The following SYTL5 variants were observed in gnomAD, a reference collection of about 807,000 sequenced individuals.
SYTL5 encodes the protein synaptotagmin-like protein 5.
A neutral mutation model predicts 55.9 loss-of-function variants in SYTL5; 34 were observed. The observed-to-expected ratio is 0.61, with a 90% confidence interval of 0.46 to 0.81. The LOEUF is 0.81. Ranked by LOEUF, SYTL5 falls within the 30% of genes least tolerant of loss-of-function variation. The pLI, the probability that SYTL5 is intolerant of heterozygous loss-of-function variation, is 0.00. For missense variants in SYTL5, 637 were observed against 546.7 expected, an observed-to-expected ratio of 1.17 and a Z score of -1.65; for synonymous variants, 221 against 188.7, an observed-to-expected ratio of 1.17 and a Z score of -1.40.
At chrX:37,983,607 A>G in the SYTL5 span, among the ~76,000 whole-genome samples, 3 of 112,139 alleles carry the variant, frequency 2.7e-5, no homozygotes, top group Non-Finnish European at 5.7e-5. Context: ...AACATAAACA[A>G]TAAAGAGGAT....
chrX:38,071,497 T>C (rs772662869), intron 3 of SYTL5, among the ~76,000 whole-genome samples: 14 of 112,274 alleles, frequency 1.2e-4, no homozygotes, highest in African/African-American at 4.5e-4. Flanking sequence ...CCTGTCTCTT[T>C]ATCCTATTCT....
intron 6 of SYTL5, among the ~76,000 whole-genome samples, chrX:38,081,868 T>C (rs1295257965): frequency 3.6e-5 from 4 of 111,478 alleles, no homozygotes; most frequent in African/African-American, 1.3e-4. Flanking sequence ...AGGGGCTCCA[T>C]GCTCCCATGA....
chrX:38,016,033 G>A (rs906961355), intron 1 of SYTL5, among the ~76,000 whole-genome samples: 2 of 111,503 alleles, frequency 1.8e-5, no homozygotes, highest in African/African-American at 3.3e-5. Context: ...TCTGGAATGC[G>A]CTAGGCCTAC....
chrX:37,981,384 C>T, the SYTL5 span, among the ~76,000 whole-genome samples: 1 of 111,210 alleles, frequency 9.0e-6, no homozygotes, highest in African/African-American at 3.3e-5. Flanking sequence ...CAGCCTCAAC[C>T]TCCTGGGCCC....
At chrX:38,091,926 C>A (rs775831596) in intron 7 of SYTL5, among the ~76,000 whole-genome samples, 1 of 111,546 alleles carries the variant, frequency 9.0e-6, no homozygotes, top group Non-Finnish European at 1.9e-5. Context: ...TATACATATA[C>A]ATAGGCAGTG....
the SYTL5 span, among the ~76,000 whole-genome samples, chrX:37,976,673 A>G: frequency 9.0e-6 from 1 of 110,998 alleles, no homozygotes; most frequent in Non-Finnish European, 1.9e-5. Context: ...ACTAGAGACA[A>G]ATAAAGAAAA....
At chrX:37,907,854 A>C in the SYTL5 span, among the ~76,000 whole-genome samples, 56 of 112,036 alleles carry the variant, frequency 5.0e-4, 1 homozygote, top group Non-Finnish European at 7.5e-5. Context: ...ATATTTGAAA[A>C]AATCTATATA....
chrX:37,986,384 G>A, the SYTL5 span, among the ~76,000 whole-genome samples: 1 of 110,920 alleles, frequency 9.0e-6, no homozygotes, highest in African/African-American at 3.3e-5. Context: ...TATGTGACTT[G>A]GGGCTGCATG....
At chrX:37,954,878 G>A in the SYTL5 span, among the ~76,000 whole-genome samples, 1 of 111,034 alleles carries the variant, frequency 9.0e-6, no homozygotes, top group Non-Finnish European at 1.9e-5. Flanking sequence ...ATAATTTCAG[G>A]TCTCTAAGTT....
the SYTL5 span, among the ~76,000 whole-genome samples, chrX:37,995,233 T>G: frequency 4.5e-5 from 5 of 111,258 alleles, no homozygotes; most frequent in Non-Finnish European, 9.4e-5. Context: ...AGCTGCAGAC[T>G]CTGACTGAGG....
the SYTL5 span, among the ~76,000 whole-genome samples, chrX:37,954,002 AAG>A: frequency 8.9e-6 from 1 of 111,975 alleles, no homozygotes; most frequent in African/African-American, 3.2e-5. Flanking sequence ...TAAAGAAAAA[AAG>A]AGAATGCTTG....
the SYTL5 span, among the ~76,000 whole-genome samples, chrX:37,893,596 C>A: frequency 1.4e-5 from 1 of 70,624 alleles, no homozygotes; most frequent in African/African-American, 8.3e-5. Context: ...TATATATTAT[C>A]TATAGATTAT....
chrX:38,033,448 T>G (rs193255034), intron 1 of SYTL5, 86 bp from the exon 2 acceptor site: 1 of 113,209 alleles, frequency 8.8e-6, no homozygotes, highest in Non-Finnish European at 1.9e-5. Flanking sequence ...CAACAAAATT[T>G]CAAAAATTAG....
At chrX:37,903,628 C>T in the SYTL5 span, among the ~76,000 whole-genome samples, 4 of 108,833 alleles carry the variant, frequency 3.7e-5, no homozygotes, top group African/African-American at 1.3e-4. Flanking sequence ...TGCAGCACAC[C>T]AACATGGCAC....
chrX:37,891,388 A>G, the SYTL5 span, among the ~76,000 whole-genome samples: 4 of 112,242 alleles, frequency 3.6e-5, no homozygotes, highest in Admixed American at 9.4e-5. Flanking sequence ...AAGATCACAC[A>G]TTGTTGATTC....
chrX:37,954,293 G>A, the SYTL5 span, among the ~76,000 whole-genome samples: 2 of 111,640 alleles, frequency 1.8e-5, no homozygotes, highest in Non-Finnish European at 3.8e-5. Context: ...AGAATTCACA[G>A]GTGATTAGGC....
At chrX:38,104,493 T>C (rs1243741364) in intron 10 of SYTL5, among the ~76,000 whole-genome samples, 1 of 112,072 alleles carries the variant, frequency 8.9e-6, no homozygotes, top group Non-Finnish European at 1.9e-5. Flanking sequence ...ATTAGGTCAC[T>C]CACTGGCTTT....
intron 3 of SYTL5, among the ~76,000 whole-genome samples, 177 bp from the exon 4 acceptor site, chrX:38,071,870 C>T (rs1013030205): frequency 1.8e-5 from 2 of 112,121 alleles, no homozygotes; most frequent in African/African-American, 6.5e-5. Context: ...TTAGCAAGTA[C>T]CTAGCAGATA....
chrX:38,116,852 A>C (rs374508881), intron 13 of SYTL5, among the ~76,000 whole-genome samples: 1 of 112,604 alleles, frequency 8.9e-6, no homozygotes, highest in East Asian at 2.8e-4. Flanking sequence ...TGTTCTTTGC[A>C]GAAAGGATTC....
Sources: allele counts gnomAD v4.1 joint callset (sites outside exome capture counted in the v4.1 genomes callset), GRCh38; gene constraint gnomAD v4.1.1; transcripts MANE v1.5; gene names NCBI Gene and HGNC (gene_info 2026-07-23, HGNC 2026-07-21).